NTNG1: variants seen among roughly 807,000 people sequenced by gnomAD.
NTNG1 encodes netrin G1.
Under a neutral mutation model 54.0 loss-of-function variants are expected in NTNG1, and 16 were observed. That is an observed-to-expected ratio of 0.30 (90% CI 0.20 to 0.45). The LOEUF (loss-of-function observed/expected upper bound fraction) is 0.45, where lower values mean the gene tolerates loss of function less well. NTNG1 is among the 20% of genes least tolerant of loss of function. The pLI, the probability that NTNG1 is intolerant of heterozygous loss-of-function variation, is 1.00. For synonymous variants in NTNG1, 255 were observed against 263.1 expected (o/e 0.97, Z 0.30); for missense variants, 530 against 678.7 (o/e 0.78, Z 2.43).
chr1:107,309,912 C>A (rs1022200438), intron 2 of NTNG1, among the ~76,000 whole-genome samples: 5 of 152,146 alleles, frequency 3.3e-5, no homozygotes, highest in Admixed American at 3.3e-4. Flanking sequence ...TGTTTTACAT[C>A]CTTACAGACA....
At chr1:107,351,223 A>C (rs1293711456) in intron 3 of NTNG1, among the ~76,000 whole-genome samples, 1 of 152,160 alleles carries the variant, frequency 6.6e-6, no homozygotes, top group South Asian at 2.1e-4. Flanking sequence ...GGATTTTGCC[A>C]CTCACAATAA....
At chr1:107,398,526 A>G (rs1672828958) in intron 4 of NTNG1, among the ~76,000 whole-genome samples, 1 of 152,164 alleles carries the variant, frequency 6.6e-6, no homozygotes, top group African/African-American at 2.4e-5. Flanking sequence ...AAGTGTCAGA[A>G]GGCCAACATT....
intron 2 of NTNG1, among the ~76,000 whole-genome samples, chr1:107,190,326 A>AT: frequency 6.6e-6 from 1 of 152,260 alleles, no homozygotes; most frequent in South Asian, 2.1e-4. Context: ...TGTTGTGTTT[A>AT]TTTTACCACA....
At chr1:107,224,778 G>C (rs747960935) in intron 2 of NTNG1, among the ~76,000 whole-genome samples, 2 of 152,102 alleles carry the variant, frequency 1.3e-5, no homozygotes, top group Non-Finnish European at 2.9e-5. Context: ...TAATTATGCA[G>C]GAATAATGAG....
At position 107,251,237 on chromosome 1, in the gene NTNG1, T is replaced by G. The variant is rs60599374; in HGVS notation, c.247-73045T>G. 5.3e-5 allele frequency among the ~76,000 whole-genome samples: 8 copies of G among 152,316 alleles called. No homozygotes were observed. The South Asian group carries it at 1.5e-3, about 28-fold the overall frequency. Reference sequence around the variant, plus strand: ...TCTTGCTCATATATCCATATCTTAATGAAAAGGCTGAAATGTGCATAATAG... The same window carrying G: ...TCTTGCTCATATATCCATATCTTAAGGAAAAGGCTGAAATGTGCATAATAG... On this transcript the variant is annotated intron_variant, in intron 2 of 7. Transcript: ENST00000370068.
chr1:107,157,772 T>C (rs1296483720), intron 2 of NTNG1, among the ~76,000 whole-genome samples: 2 of 152,180 alleles, frequency 1.3e-5, no homozygotes, highest in African/African-American at 4.8e-5. Context: ...TTTTGCCTCT[T>C]GGATTCTAAC....
chr1:107,427,441 C>A (rs760186791), intron 5 of NTNG1, among the ~76,000 whole-genome samples: 2 of 152,030 alleles, frequency 1.3e-5, no homozygotes, highest in Admixed American at 1.3e-4. Context: ...GCAACTCAAG[C>A]TGTACCTTAA....
chr1:107,144,580 CT>C (rs370100157), intron 1 of NTNG1, among the ~76,000 whole-genome samples: 1 of 150,524 alleles, frequency 6.6e-6, no homozygotes, highest in Admixed American at 6.6e-5. Flanking sequence ...TTTTGGGAGG[CT>C]TTTTTTTTCT....
chr1:107,452,966 T>G (rs1676712011), intron 7 of NTNG1, among the ~76,000 whole-genome samples: 2 of 152,136 alleles, frequency 1.3e-5, no homozygotes, highest in Non-Finnish European at 2.9e-5. Flanking sequence ...TCCTTGGCCC[T>G]AAGGAGGTAA....
intron 2 of NTNG1, among the ~76,000 whole-genome samples, chr1:107,156,017 C>T (rs1654967452): frequency 6.6e-6 from 1 of 152,162 alleles, no homozygotes; most frequent in Non-Finnish European, 1.5e-5. Flanking sequence ...GTATGTGTAG[C>T]AGGGTATACC....
At chr1:107,150,838 A>C (rs1654515246) in intron 2 of NTNG1, among the ~76,000 whole-genome samples, 1 of 152,202 alleles carries the variant, frequency 6.6e-6, no homozygotes. Flanking sequence ...ACATGGTCTA[A>C]GGTATTTAAA....
At chr1:107,180,450 A>G (rs1030103808) in intron 2 of NTNG1, among the ~76,000 whole-genome samples, 2 of 152,188 alleles carry the variant, frequency 1.3e-5, no homozygotes, top group Non-Finnish European at 2.9e-5. Context: ...TAAGTGAAAT[A>G]AAAGTTTCAC....
At chr1:107,151,000 T>C (rs763712839) in intron 2 of NTNG1, among the ~76,000 whole-genome samples, 2 of 152,224 alleles carry the variant, frequency 1.3e-5, no homozygotes, top group Non-Finnish European at 2.9e-5. Flanking sequence ...TTTAAAAGGC[T>C]GCATCTTAGT....
intron 3 of NTNG1, chr1:107,328,927 T>A (rs1274632504): frequency 6.6e-6 from 1 of 152,138 alleles, no homozygotes; most frequent in Non-Finnish European, 1.5e-5. Context: ...ATTTTAACAG[T>A]AAGAACTTGA....
At chr1:107,376,437 A>C (rs6674421) in intron 3 of NTNG1, among the ~76,000 whole-genome samples, 145,839 of 150,664 alleles carry the variant, frequency 0.97, 70,783 homozygotes, top group East Asian at 1. Flanking sequence ...AACAAAAAAA[A>C]AAAATTTGCT....
intron 2 of NTNG1, among the ~76,000 whole-genome samples, chr1:107,239,665 G>C (rs1387002491): frequency 6.6e-6 from 1 of 152,148 alleles, no homozygotes; most frequent in Non-Finnish European, 1.5e-5. Context: ...TAGGCCACTG[G>C]AGCCATGATG....
chr1:107,389,092 A>G (rs1672199718), intron 3 of NTNG1, among the ~76,000 whole-genome samples: 1 of 152,252 alleles, frequency 6.6e-6, no homozygotes. Context: ...TAATAAAAAT[A>G]AATAAATATC....
intron 2 of NTNG1, among the ~76,000 whole-genome samples, chr1:107,318,854 A>C (rs1475720525): frequency 6.6e-6 from 1 of 152,132 alleles, no homozygotes; most frequent in Non-Finnish European, 1.5e-5. Context: ...ATTGCACTAC[A>C]TGGCCATTAG....
intron 3 of NTNG1, among the ~76,000 whole-genome samples, chr1:107,338,868 G>C (rs1245719454): frequency 1.8e-5 from 2 of 112,476 alleles, no homozygotes; most frequent in Admixed American, 2.0e-4. Context: ...AAAGTAAGAA[G>C]CTTTAAAAAA....
Sources: allele counts gnomAD v4.1 joint callset (sites outside exome capture counted in the v4.1 genomes callset), GRCh38; gene constraint gnomAD v4.1.1; transcripts MANE v1.5; gene names NCBI Gene and HGNC (gene_info 2026-07-23, HGNC 2026-07-21).